Variants in KLRD1 observed in about 807,000 individuals in gnomAD.
KLRD1 encodes natural killer cells antigen CD94.
Under a neutral mutation model 22.6 loss-of-function variants are expected in KLRD1, and 21 were observed. The ratio of observed to expected loss-of-function variants is 0.93; its 90% CI spans 0.66 to 1.34. The LOEUF is 1.34. KLRD1 is among the 40% of genes most tolerant of loss of function. The pLI is 0.00. For synonymous variants in KLRD1, 59 were observed against 71.1 expected (o/e 0.83, Z 0.85); for missense variants, 183 against 208.6 (o/e 0.88, Z 0.76).
At position 10,323,715 on chromosome 12, in the gene KLRD1, A is replaced by G. The variant is rs547341702; in HGVS notation, c.*8922A>G. The G allele has an allele frequency of 1.1e-4, 16 of 151,966 alleles. No individual in the cohort carries two copies. The highest frequency in any genetic ancestry group is 8.5e-4 in the Admixed American group (13 of 15,268). 9.4% of individuals were successfully genotyped at this position (151,966 alleles called of 1,614,324 possible). A position where few individuals can be genotyped will look rare whatever the true frequency, so the allele number is the denominator to read the frequency against. On this transcript the variant is annotated 3_prime_UTR_variant, in exon 6 of 6. Coordinates refer to ENST00000336164, the MANE Select transcript of KLRD1 (RefSeq NM_002262.5). ...ACAGATGAATATTCTGTTACTATAG[A>G]TTTGCCTTTCTATGTTTTATATAGA...
intron 1 of KLRD1, among the ~76,000 whole-genome samples, chr12:10,239,532 T>TC (rs1491191582): frequency 4.2e-4 from 7 of 16,578 alleles, no homozygotes; most frequent in Non-Finnish European, 9.8e-4. Flanking sequence ...TCTTTCTTTC[T>TC]TTCTTTCTTT....
upstream of KLRD1, among the ~76,000 whole-genome samples, chr12:10,304,050 G>A (rs984334863): frequency 4.6e-5 from 7 of 152,162 alleles, no homozygotes; most frequent in Non-Finnish European, 1.0e-4. Flanking sequence ...TCTTCAAGAA[G>A]GTAACATAAA....
intron 1 of KLRD1, among the ~76,000 whole-genome samples, chr12:10,267,805 T>G (rs913178233): frequency 6.6e-6 from 1 of 152,220 alleles, no homozygotes; most frequent in Non-Finnish European, 1.5e-5. Flanking sequence ...ATTGTTAATA[T>G]GAACTACTGT....
upstream of KLRD1, among the ~76,000 whole-genome samples, chr12:10,304,243 C>T (rs1949891817): frequency 2.0e-5 from 3 of 152,186 alleles, no homozygotes; most frequent in South Asian, 4.1e-4. Context: ...CCCAGACAAA[C>T]AGATAAACAT....
intron 1 of KLRD1, among the ~76,000 whole-genome samples, chr12:10,265,781 C>T (rs1949493687): frequency 6.6e-6 from 1 of 152,072 alleles, no homozygotes; most frequent in Non-Finnish European, 1.5e-5. Context: ...GATTCTTAGG[C>T]CTAGGCCATA....
chr12:10,271,746 A>G (rs1216279493), intron 1 of KLRD1, among the ~76,000 whole-genome samples: 2 of 152,174 alleles, frequency 1.3e-5, no homozygotes, highest in African/African-American at 4.8e-5. Context: ...ACATAAACAT[A>G]TAATTAAATG....
rs1305621521 is a variant in KLRD1, at chr12:10,318,245, A to C, written c.*3452A>C. On this transcript the variant is annotated 3_prime_UTR_variant, in exon 6 of 6. Transcript: ENST00000336164. ...CATGATATGGGTAGTAGGCTAACTA[A>C]CTAGCTAACAAATGGTTTATGGTGA... The C allele has an allele frequency of 2.0e-5, 3 of 152,198 alleles. 1 individual carries two copies. Among genetic ancestry groups the C allele is most frequent in the African/African-American group, 7.2e-5 (3 of 41,440 alleles). 9.4% of individuals were successfully genotyped at this position (152,198 alleles called of 1,614,324 possible).
At chr12:10,314,155 A>G (rs1185506849) in intron 5 of KLRD1, among the ~76,000 whole-genome samples, 2 of 151,614 alleles carry the variant, frequency 1.3e-5, no homozygotes, top group African/African-American at 2.4e-5. Context: ...ACAGATACTC[A>G]TATACACAGA....
chr12:10,276,716 A>G (rs115161484), intron 1 of KLRD1, among the ~76,000 whole-genome samples: 1,780 of 151,798 alleles, frequency 0.012, 35 homozygotes, highest in African/African-American at 0.041. Flanking sequence ...AAAAAGTAAA[A>G]TAATGGTCAA....
intron 1 of KLRD1, among the ~76,000 whole-genome samples, chr12:10,263,897 A>G (rs936415128): frequency 3.3e-5 from 5 of 152,078 alleles, no homozygotes; most frequent in Admixed American, 1.3e-4. Flanking sequence ...GCAATTTTCC[A>G]TTTTGTTCCC....
At chr12:10,284,872 TCAGGAGGCTGAGG>T (rs1271642412) in intron 1 of KLRD1, among the ~76,000 whole-genome samples, 1 of 152,020 alleles carries the variant, frequency 6.6e-6, no homozygotes, top group Non-Finnish European at 1.5e-5. Flanking sequence ...TCCCAGCTAC[TCAGGAGGCTGAGG>T]CAGGAGAATT....
chr12:10,278,437 A>T (rs1330326515), intron 1 of KLRD1, among the ~76,000 whole-genome samples: 5 of 152,258 alleles, frequency 3.3e-5, no homozygotes, highest in Middle Eastern at 6.8e-3. Flanking sequence ...ATCTGTAGGC[A>T]TCTGGTATTG....
chr12:10,251,830 C>T lies in KLRD1; in HGVS notation c.-101+25597C>T, dbSNP rs570323965. ...CTCCTATGAGAATCAAATGCCTCTG[C>T]GGACCTGACAGGAAGCAGAGCTCTG... On this transcript the variant is annotated intron_variant, in intron 1 of 5. Transcript: ENST00000544747. Among the ~76,000 whole-genome samples the T allele has an allele frequency of 3.7e-4, 57 of 152,226 alleles. No individual in the cohort carries two copies. In the South Asian group the frequency reaches 8.5e-3, roughly 23 times the overall value.
At chr12:10,251,104 A>G (rs1949342501) in intron 1 of KLRD1, among the ~76,000 whole-genome samples, 1 of 152,036 alleles carries the variant, frequency 6.6e-6, no homozygotes, top group Non-Finnish European at 1.5e-5. Flanking sequence ...GGAGTTTGGG[A>G]CAGTGAGTGA....
chr12:10,265,616 G>A (rs1446185877), intron 1 of KLRD1, among the ~76,000 whole-genome samples: 1 of 152,134 alleles, frequency 6.6e-6, no homozygotes, highest in African/African-American at 2.4e-5. Context: ...AATTAGCCAG[G>A]CATGGTGGCA....
chr12:10,265,181 A>G (rs1475378421), intron 1 of KLRD1, among the ~76,000 whole-genome samples: 2 of 152,170 alleles, frequency 1.3e-5, no homozygotes, highest in South Asian at 2.1e-4. Flanking sequence ...TTTTTTCAAA[A>G]TCTATTGTTA....
Position 10,314,868 on chromosome 12 carries a change from A to G in KLRD1, c.*75A>G. Reference sequence around the variant, plus strand: ...CAATGATACAGTTGCATGTTATATTATTACTAATTGTCTACTTCTGGAGTC... The same window carrying G: ...CAATGATACAGTTGCATGTTATATTGTTACTAATTGTCTACTTCTGGAGTC... On this transcript the variant is annotated 3_prime_UTR_variant, in exon 6 of 6. Coordinates refer to ENST00000336164, the MANE Select transcript of KLRD1 (RefSeq NM_002262.5). 1 of 1,342,044 alleles carries G rather than the reference A, an allele frequency of 7.5e-7. No homozygotes were observed. The highest frequency in any genetic ancestry group is 1.0e-6 in the Non-Finnish European group (1 of 977,592). The allele number at this position is 1,342,044 out of a possible 1,614,324, so 83.1% of individuals were successfully genotyped here.
chr12:10,300,040 T>A (rs1442941534), upstream of KLRD1, among the ~76,000 whole-genome samples: 3 of 152,216 alleles, frequency 2.0e-5, no homozygotes, highest in African/African-American at 4.8e-5. Flanking sequence ...CTGCAGTTAC[T>A]TCCTCCACTG....
intron 1 of KLRD1, among the ~76,000 whole-genome samples, chr12:10,264,533 G>T (rs568025659): frequency 6.6e-6 from 1 of 151,948 alleles, no homozygotes; most frequent in African/African-American, 2.4e-5. Context: ...TCATTTTATC[G>T]AATTGTATTA....
Sources: allele counts gnomAD v4.1 joint callset (sites outside exome capture counted in the v4.1 genomes callset), GRCh38; gene constraint gnomAD v4.1.1; transcripts MANE v1.5; gene names NCBI Gene and HGNC (gene_info 2026-07-23, HGNC 2026-07-21).